ZFPM2: variants seen among roughly 807,000 people sequenced by gnomAD.
ZFPM2 encodes zinc finger protein ZFPM2.
ZFPM2 carries 20 observed loss-of-function variants against 98.6 expected under a neutral mutation model. That is an observed-to-expected ratio of 0.20 (90% CI 0.14 to 0.29). The LOEUF (loss-of-function observed/expected upper bound fraction) is 0.29. Among genes scored for constraint, ZFPM2 ranks in the 10% least tolerant of loss-of-function variants. The pLI is 1.00. For synonymous variants in ZFPM2, 518 were observed against 502.7 expected (o/e 1.03, Z -0.41); for missense variants, 1,310 against 1,388.6 (o/e 0.94, Z 0.90).
intron 5 of ZFPM2, chr8:105,780,113 A>G (rs1813206236): frequency 1.3e-5 from 2 of 152,212 alleles, no homozygotes; most frequent in Non-Finnish European, 2.9e-5. Flanking sequence ...ACCTTGAATA[A>G]GTATTTGTCC....
intron 6 of ZFPM2, among the ~76,000 whole-genome samples, chr8:105,790,660 A>T (rs1813581727): frequency 6.6e-6 from 1 of 152,178 alleles, no homozygotes; most frequent in Non-Finnish European, 1.5e-5. Context: ...TGGGGATGGC[A>T]TTGAATCTAT....
intron 5 of ZFPM2, among the ~76,000 whole-genome samples, chr8:105,761,564 A>C (rs1262236830): frequency 1.3e-5 from 2 of 151,922 alleles, no homozygotes; most frequent in African/African-American, 2.4e-5. Flanking sequence ...GGAACTAAGG[A>C]TAATTTCATG....
intron 1 of ZFPM2, among the ~76,000 whole-genome samples, chr8:105,372,112 G>A (rs552361747): frequency 4.0e-5 from 6 of 151,388 alleles, no homozygotes; most frequent in South Asian, 2.1e-4. Context: ...GCGTGATCTC[G>A]GCTCACTGCA....
intron 1 of ZFPM2, among the ~76,000 whole-genome samples, chr8:105,333,191 A>T (rs1812264759): frequency 6.6e-6 from 1 of 151,764 alleles, no homozygotes; most frequent in African/African-American, 2.4e-5. Flanking sequence ...AACAATTATT[A>T]TCTTGAATTC....
intron 4 of ZFPM2, among the ~76,000 whole-genome samples, chr8:105,570,496 T>A (rs1373468712): frequency 2.6e-5 from 4 of 152,156 alleles, no homozygotes; most frequent in Admixed American, 6.5e-5. Context: ...TGCATATTAA[T>A]CTGAAGGGAT....
At chr8:105,625,837 T>C (rs1816642875) in intron 4 of ZFPM2, among the ~76,000 whole-genome samples, 1 of 151,888 alleles carries the variant, frequency 6.6e-6, no homozygotes, top group Admixed American at 6.6e-5. Context: ...CCAACCTCAG[T>C]CTCCCAAAGT....
At chr8:105,585,979 G>A (rs1481346032) in intron 4 of ZFPM2, among the ~76,000 whole-genome samples, 1 of 150,512 alleles carries the variant, frequency 6.6e-6, no homozygotes, top group African/African-American at 2.5e-5. Flanking sequence ...GGGTCAGGAT[G>A]TAGTGTGTAT....
rs1816993807 is a variant in ZFPM2, at chr8:105,643,971, T to C, written c.532+9614T>C. Among the ~76,000 whole-genome samples the C allele has an allele frequency of 1.3e-5, 2 of 152,210 alleles. 1 individual carries two copies. The highest frequency in any genetic ancestry group is 4.1e-4 in the South Asian group (2 of 4,828). Reference sequence around the variant, plus strand: ...CAGCAATTTGTTTATACATTGTCTATGGCCACTTTCACGTTATAACGTCAG... The same window carrying C: ...CAGCAATTTGTTTATACATTGTCTACGGCCACTTTCACGTTATAACGTCAG... On this transcript the variant is annotated intron_variant, in intron 5 of 7. Coordinates refer to ENST00000407775, the MANE Select transcript of ZFPM2 (RefSeq NM_012082.4).
chr8:105,736,630 C>A (rs1372716297), intron 5 of ZFPM2, among the ~76,000 whole-genome samples: 1 of 151,976 alleles, frequency 6.6e-6, no homozygotes. Flanking sequence ...ACCCTAGAAG[C>A]AGAGTAAGAA....
chr8:105,330,559 T>TATATATATATAC (rs1812197892), intron 1 of ZFPM2, among the ~76,000 whole-genome samples: 2 of 117,316 alleles, frequency 1.7e-5, no homozygotes, highest in Non-Finnish European at 3.4e-5. Context: ...TATACATATA[T>TATATATATATAC]ATATATATAC....
At position 105,331,301 on chromosome 8, in the gene ZFPM2, A is replaced by C. The variant is rs574373970; in HGVS notation, c.40+12320A>C. Among the ~76,000 whole-genome samples the C allele has an allele frequency of 2.0e-4, 31 of 151,674 alleles. 1 individual carries two copies. The highest frequency in any genetic ancestry group is 6.5e-4 in the African/African-American group (27 of 41,466). ...ACTGCAATTCTATGATTAATCCTCC[A>C]GATTCAGAAATCTCATTTAAGGAAG... On this transcript the variant is annotated intron_variant, in intron 1 of 7. Coordinates refer to ENST00000407775, the MANE Select transcript of ZFPM2 (RefSeq NM_012082.4).
At chr8:105,637,567 G>A (rs1241414922) in intron 5 of ZFPM2, among the ~76,000 whole-genome samples, 1 of 152,042 alleles carries the variant, frequency 6.6e-6, no homozygotes, top group East Asian at 1.9e-4. Context: ...TCTACCTGGG[G>A]TTCAGAGGCC....
At chr8:105,581,060 G>T (rs929562573) in intron 4 of ZFPM2, among the ~76,000 whole-genome samples, 5 of 151,630 alleles carry the variant, frequency 3.3e-5, no homozygotes, top group African/African-American at 1.2e-4. Context: ...TCTTCTTCAT[G>T]GAAATACTTA....
intron 5 of ZFPM2, among the ~76,000 whole-genome samples, chr8:105,727,849 C>T (rs1203765562): frequency 2.0e-5 from 3 of 151,244 alleles, no homozygotes; most frequent in African/African-American, 7.3e-5. Flanking sequence ...ATTGATACTG[C>T]TGATCAGGAA....
At chr8:105,709,783 C>T (rs938701957) in intron 5 of ZFPM2, among the ~76,000 whole-genome samples, 10 of 152,070 alleles carry the variant, frequency 6.6e-5, no homozygotes, top group Middle Eastern at 3.4e-3. Flanking sequence ...GAAAAAGATA[C>T]GAAAGTTTAA....
intron 3 of ZFPM2, among the ~76,000 whole-genome samples, chr8:105,466,041 A>G (rs1425066393): frequency 1.3e-5 from 2 of 151,998 alleles, no homozygotes; most frequent in East Asian, 3.8e-4. Context: ...CTGTTGTAGG[A>G]AATAGCTGAT....
intron 1 of ZFPM2, among the ~76,000 whole-genome samples, chr8:105,405,968 C>T (rs1811448495): frequency 6.6e-6 from 1 of 152,132 alleles, no homozygotes; most frequent in African/African-American, 2.4e-5. Context: ...TAATGATCGC[C>T]ATTCTGACTG....
At chr8:105,617,538 T>C (rs1371890189) in intron 4 of ZFPM2, among the ~76,000 whole-genome samples, 5 of 152,170 alleles carry the variant, frequency 3.3e-5, no homozygotes, top group African/African-American at 1.2e-4. Flanking sequence ...AGGAGTGGGA[T>C]AGACCTGCAG....
chr8:105,413,551 A>G (rs1465927085), intron 1 of ZFPM2, among the ~76,000 whole-genome samples: 1 of 150,410 alleles, frequency 6.6e-6, no homozygotes, highest in Non-Finnish European at 1.5e-5. Context: ...GTTTAAATAT[A>G]TATGTATGTT....
Sources: gnomAD v4.1 joint callset for allele counts (sites outside exome capture counted in the v4.1 genomes callset) on GRCh38, gnomAD v4.1.1 for gene constraint, MANE v1.5 for transcripts, NCBI Gene and HGNC (gene_info 2026-07-23, HGNC 2026-07-21) for gene names.